CNTN5: variants seen among roughly 807,000 people sequenced by gnomAD.
CNTN5 encodes contactin 5, also known as contactin-5.
In CNTN5, 77 loss-of-function variants were observed where a neutral mutation model predicts 129.1. The observed-to-expected ratio is 0.60, with a 90% confidence interval of 0.50 to 0.72. The LOEUF is 0.72. Ranked by LOEUF, CNTN5 falls within the 30% of genes least tolerant of loss-of-function variation. The pLI is 0.00. For synonymous variants in CNTN5, 509 were observed against 465.6 expected (o/e 1.09, Z -1.20); for missense variants, 1,478 against 1,328.8 (o/e 1.11, Z -1.75).
chr11:99,387,100 T>A (rs561021899), intron 2 of CNTN5, among the ~76,000 whole-genome samples: 32 of 152,300 alleles, frequency 2.1e-4, no homozygotes, highest in Middle Eastern at 3.4e-3. Flanking sequence ...TAACCGCATA[T>A]TCTCTCCTCA....
At chr11:100,020,488 T>C (rs1192241643) in intron 9 of CNTN5, among the ~76,000 whole-genome samples, 1 of 152,124 alleles carries the variant, frequency 6.6e-6, no homozygotes, top group Non-Finnish European at 1.5e-5. Flanking sequence ...CATATGCCTA[T>C]ATGTCTGTTT....
At chr11:99,306,755 A>G (rs200498388) in intron 1 of CNTN5, among the ~76,000 whole-genome samples, 23,824 of 78,194 alleles carry the variant, frequency 0.3, 2,042 homozygotes, top group Middle Eastern at 0.36. Flanking sequence ...TGATAATAAT[A>G]ATAATAATAA....
chr11:99,908,880 A>G (rs965892345), intron 6 of CNTN5, among the ~76,000 whole-genome samples: 3 of 152,116 alleles, frequency 2.0e-5, no homozygotes, highest in African/African-American at 7.2e-5. Flanking sequence ...TTTCTTTTTT[A>G]TAATCCCTTT....
At chr11:99,381,733 A>C (rs1354307643) in intron 2 of CNTN5, among the ~76,000 whole-genome samples, 4 of 152,196 alleles carry the variant, frequency 2.6e-5, no homozygotes, top group African/African-American at 9.7e-5. Context: ...TTATTAATGA[A>C]TCTAACAATT....
At chr11:100,063,241 A>G (rs1338382025) in intron 10 of CNTN5, among the ~76,000 whole-genome samples, 1 of 152,116 alleles carries the variant, frequency 6.6e-6, no homozygotes, top group Admixed American at 6.6e-5. Flanking sequence ...ATGTAAAAAA[A>G]AAAATTGCTT....
At chr11:99,883,613 A>G (rs7931411) in intron 6 of CNTN5, among the ~76,000 whole-genome samples, 41,678 of 152,136 alleles carry the variant, frequency 0.27, 6,396 homozygotes, top group Non-Finnish European at 0.35. Flanking sequence ...AAACAAAACA[A>G]AACAGTGAAA....
At chr11:99,595,970 C>T (rs1950113634) in intron 3 of CNTN5, among the ~76,000 whole-genome samples, 1 of 152,016 alleles carries the variant, frequency 6.6e-6, no homozygotes, top group Admixed American at 6.6e-5. Context: ...GAATCTTAAC[C>T]CAATCTACAG....
chr11:99,994,462 A>C (rs1447863417), intron 8 of CNTN5, among the ~76,000 whole-genome samples: 1 of 152,220 alleles, frequency 6.6e-6, no homozygotes, highest in Non-Finnish European at 1.5e-5. Flanking sequence ...TTCTCCTAAG[A>C]TCTCTTTAGA....
chr11:99,171,897 C>T (rs1300029466), intron 1 of CNTN5, among the ~76,000 whole-genome samples: 1 of 152,186 alleles, frequency 6.6e-6, no homozygotes, highest in Non-Finnish European at 1.5e-5. Flanking sequence ...GAATAATACG[C>T]GAATTTCATT....
At chr11:99,869,673 C>T (rs987006529) in intron 6 of CNTN5, among the ~76,000 whole-genome samples, 6 of 152,122 alleles carry the variant, frequency 3.9e-5, no homozygotes, top group African/African-American at 1.4e-4. Flanking sequence ...AACTTTCTGA[C>T]AGGCCAAAAT....
intron 1 of CNTN5, among the ~76,000 whole-genome samples, chr11:99,054,878 T>C (rs116800035): frequency 1.3e-5 from 2 of 152,098 alleles, no homozygotes; most frequent in African/African-American, 4.8e-5. Flanking sequence ...CTCAGTTTAT[T>C]GTTCAGATGA....
chr11:99,563,919 G>A (rs1330356414), intron 3 of CNTN5, among the ~76,000 whole-genome samples: 2 of 152,078 alleles, frequency 1.3e-5, no homozygotes, highest in African/African-American at 4.8e-5. Context: ...TTCAAGAGGT[G>A]GAAAAGTAGA....
intron 9 of CNTN5, among the ~76,000 whole-genome samples, chr11:100,037,859 T>C (rs1299515751): frequency 4.6e-5 from 7 of 152,192 alleles, no homozygotes; most frequent in Non-Finnish European, 1.0e-4. Flanking sequence ...TCTTCTCTCT[T>C]TTTTTCTTTA....
chr11:100,311,971 C>G (rs1347983442), intron 21 of CNTN5, among the ~76,000 whole-genome samples: 4 of 151,986 alleles, frequency 2.6e-5, no homozygotes, highest in Non-Finnish European at 5.9e-5. Flanking sequence ...AAGGATGAAT[C>G]AAATTCTGAA....
At chr11:99,616,451 C>G (rs556075911) in intron 3 of CNTN5, among the ~76,000 whole-genome samples, 1 of 152,068 alleles carries the variant, frequency 6.6e-6, no homozygotes, top group Non-Finnish European at 1.5e-5. Flanking sequence ...TAAAATAATT[C>G]TGATAATTCA....
chr11:99,049,239 T>C (rs542231040), intron 1 of CNTN5, among the ~76,000 whole-genome samples: 11 of 152,270 alleles, frequency 7.2e-5, no homozygotes, highest in African/African-American at 2.6e-4. Context: ...GTGAAATTAA[T>C]TTAACTTGAG....
chr11:99,142,044 G>A lies in CNTN5; in HGVS notation c.-210+120774G>A, dbSNP rs1032342412. ...TCTGACTGTGCTATAATTGGGTTCC[G>A]TTGACTGGCTTTGCTTCTCGATGAT... On this transcript the variant is annotated intron_variant, in intron 1 of 24. Transcript: ENST00000524871. 2.6e-5 allele frequency among the ~76,000 whole-genome samples: 4 copies of A among 152,180 alleles called. No homozygotes were observed. The East Asian group carries it at 5.8e-4, about 22-fold the overall frequency.
In CNTN5 at chr11:99,786,179, G is replaced by T. The variant is rs1468694719; in HGVS notation, c.56-33365G>T. ...AAGTCTCACGATACAAAATCAATGTGCAAAAATCAAAAGAATTCCTATACA... is the reference window on the plus strand; with the variant it reads ...AAGTCTCACGATACAAAATCAATGTTCAAAAATCAAAAGAATTCCTATACA... On this transcript the variant is annotated intron_variant, in intron 3 of 24. Coordinates refer to ENST00000524871, the MANE Select transcript of CNTN5 (RefSeq NM_014361.4). 2.6e-5 allele frequency among the ~76,000 whole-genome samples: 4 copies of T among 152,032 alleles called. No individual in the cohort carries two copies. In the East Asian group the frequency reaches 7.8e-4, roughly 30 times the overall value.
At chr11:99,296,402 G>A (rs1864393321) in intron 1 of CNTN5, among the ~76,000 whole-genome samples, 2 of 152,144 alleles carry the variant, frequency 1.3e-5, no homozygotes, top group South Asian at 2.1e-4. Flanking sequence ...ATTGTGAAGA[G>A]ATTATCCTCA....
Sources: gnomAD v4.1 joint callset for allele counts (sites outside exome capture counted in the v4.1 genomes callset) on GRCh38, gnomAD v4.1.1 for gene constraint, MANE v1.5 for transcripts, NCBI Gene and HGNC (gene_info 2026-07-23, HGNC 2026-07-21) for gene names.